The following CACNB2 variants were observed in gnomAD, a reference collection of about 807,000 sequenced individuals.
CACNB2 encodes the protein calcium voltage-gated channel auxiliary subunit beta 2, also known as voltage-dependent L-type calcium channel subunit beta-2.
A neutral mutation model predicts 73.3 loss-of-function variants in CACNB2; 42 were observed. The ratio of observed to expected loss-of-function variants is 0.57; its 90% CI spans 0.45 to 0.74. The LOEUF (loss-of-function observed/expected upper bound fraction) is 0.74. CACNB2 is among the 30% of genes least tolerant of loss of function. The pLI is 0.00. For missense variants in CACNB2, 940 were observed against 853.0 expected (o/e 1.10, Z -1.27); for synonymous variants, 348 against 310.3 (o/e 1.12, Z -1.28).
chr10:18,391,837 T>C (rs957981343), intron 2 of CACNB2, among the ~76,000 whole-genome samples: 6 of 140,030 alleles, frequency 4.3e-5, no homozygotes, highest in Non-Finnish European at 6.0e-5. Context: ...CTGAAGTGGG[T>C]GGATCCCTTG....
chr10:18,266,759 G>A (rs954887826), intron 2 of CACNB2, among the ~76,000 whole-genome samples: 11 of 152,096 alleles, frequency 7.2e-5, no homozygotes, highest in African/African-American at 2.7e-4. Flanking sequence ...GCGTGGTGGT[G>A]CATGCCTGTA....
chr10:18,372,398 G>T lies in CACNB2; in HGVS notation c.214-29526G>T, dbSNP rs147985808. On this transcript the variant is annotated intron_variant, in intron 2 of 13. Coordinates refer to ENST00000324631, the MANE Select transcript of CACNB2 (RefSeq NM_201596.3). ...TTTTTGTATAAGGTATAAGGAAGGG[G>T]TCCAGTTTCATTTTTACTTTTATTT... 2.3e-3 allele frequency among the ~76,000 whole-genome samples: 355 copies of T among 152,156 alleles called. 3 individuals carry two copies. The highest frequency in any genetic ancestry group is 8.1e-3 in the African/African-American group (335 of 41,520).
intron 2 of CACNB2, among the ~76,000 whole-genome samples, chr10:18,239,667 C>T (rs966832533): frequency 6.6e-6 from 1 of 151,978 alleles, no homozygotes; most frequent in South Asian, 2.1e-4. Flanking sequence ...TGTAATAGAC[C>T]TTATCTAAGT....
intron 2 of CACNB2, among the ~76,000 whole-genome samples, chr10:18,316,071 A>G (rs2040171453): frequency 6.6e-6 from 1 of 152,174 alleles, no homozygotes; most frequent in South Asian, 2.1e-4. Flanking sequence ...CAAATTCCCA[A>G]AATTTTAACA....
chr10:18,147,379 T>C (rs1397277172), intron 1 of CACNB2, among the ~76,000 whole-genome samples: 1 of 152,148 alleles, frequency 6.6e-6, no homozygotes, highest in African/African-American at 2.4e-5. Context: ...AATATAAATA[T>C]AAGAGTTTTT....
intron 2 of CACNB2, among the ~76,000 whole-genome samples, chr10:18,197,983 CATT>C (rs756569274): frequency 6.7e-4 from 98 of 147,158 alleles, no homozygotes; most frequent in Non-Finnish European, 1.3e-3. Flanking sequence ...TTATAATTAA[CATT>C]ATATATTTTG....
At chr10:18,289,909 G>A (rs950148168) in intron 2 of CACNB2, among the ~76,000 whole-genome samples, 5 of 151,884 alleles carry the variant, frequency 3.3e-5, no homozygotes, top group Non-Finnish European at 5.9e-5. Flanking sequence ...GGCAACATAT[G>A]GTCCTTTAAA....
At chr10:18,431,326 C>T (rs1005304582) in intron 3 of CACNB2, among the ~76,000 whole-genome samples, 5 of 152,150 alleles carry the variant, frequency 3.3e-5, no homozygotes, top group Admixed American at 1.3e-4. Context: ...AGTGTTGGCT[C>T]ATTTAACTTC....
At chr10:18,236,742 C>G (rs528031363) in intron 2 of CACNB2, among the ~76,000 whole-genome samples, 1 of 152,200 alleles carries the variant, frequency 6.6e-6, no homozygotes, top group Non-Finnish European at 1.5e-5. Flanking sequence ...CTGCCACTCC[C>G]TGAAGCCATC....
intron 12 of CACNB2, 95 bp from the exon 13 acceptor site, chr10:18,538,085 G>A (rs977833605): frequency 6.1e-6 from 7 of 1,144,322 alleles, no homozygotes; most frequent in African/African-American, 6.1e-5. Context: ...GTACAAAGGG[G>A]TGCAGCTCAT....
At chr10:18,192,308 G>A (rs896467252) in intron 2 of CACNB2, among the ~76,000 whole-genome samples, 1 of 124,922 alleles carries the variant, frequency 8.0e-6, no homozygotes, top group Non-Finnish European at 1.8e-5. Flanking sequence ...ATTCATTGAA[G>A]TGAAATTTAT....
intron 2 of CACNB2, among the ~76,000 whole-genome samples, chr10:18,240,746 T>TGG: frequency 6.6e-6 from 1 of 152,222 alleles, no homozygotes; most frequent in East Asian, 1.9e-4. Context: ...CACCCAGTCC[T>TGG]TTGGTCTCAT....
intron 3 of CACNB2, among the ~76,000 whole-genome samples, chr10:18,475,681 T>G (rs1012992438): frequency 6.6e-6 from 1 of 152,082 alleles, no homozygotes; most frequent in African/African-American, 2.4e-5. Context: ...GAACTCAAGA[T>G]TGGTTAGGAA....
intron 2 of CACNB2, among the ~76,000 whole-genome samples, chr10:18,379,720 C>G (rs987705914): frequency 1.3e-5 from 2 of 152,218 alleles, no homozygotes; most frequent in Non-Finnish European, 2.9e-5. Flanking sequence ...GGGTTTCACT[C>G]TGTCACCCAA....
rs561259626 is a variant in CACNB2, at chr10:18,304,794, A to G, written c.214-97130A>G. Among the ~76,000 whole-genome samples the G allele has an allele frequency of 2.6e-5, 4 of 152,342 alleles. No individual in the cohort carries two copies. In the South Asian group the frequency reaches 8.3e-4, roughly 32 times the overall value. The stretch of plus-strand genomic sequence containing the variant: ...TTACGGTTTGTGGGATAACATTTCA[A>G]CATAATTAAATAAGCATGAAGAAAT... On this transcript the variant is annotated intron_variant, in intron 2 of 13. Coordinates refer to ENST00000324631, the MANE Select transcript of CACNB2 (RefSeq NM_201596.3).
At chr10:18,409,367 G>C (rs916736431) in intron 3 of CACNB2, among the ~76,000 whole-genome samples, 2 of 151,766 alleles carry the variant, frequency 1.3e-5, no homozygotes, top group African/African-American at 4.8e-5. Context: ...TGAACTCCTG[G>C]GCTCAAGTAA....
chr10:18,260,466 T>C, intron 2 of CACNB2: 2 of 985,340 alleles, frequency 2.0e-6, no homozygotes, highest in Non-Finnish European at 2.4e-6. Context: ...CAAACAACTG[T>C]GCGCCGCAGT....
intron 3 of CACNB2, among the ~76,000 whole-genome samples, chr10:18,473,937 G>A (rs936079143): frequency 3.9e-5 from 6 of 152,126 alleles, no homozygotes; most frequent in Non-Finnish European, 8.8e-5. Context: ...TCCCCGCCAC[G>A]CTGCTCTCTG....
chr10:18,294,143 C>T (rs1043975200), intron 2 of CACNB2, among the ~76,000 whole-genome samples: 8 of 152,192 alleles, frequency 5.3e-5, no homozygotes, highest in African/African-American at 9.7e-5. Flanking sequence ...CCTGGCCCCT[C>T]GGGCACGTTT....
Sources: gnomAD v4.1 joint callset for allele counts (sites outside exome capture counted in the v4.1 genomes callset) on GRCh38, gnomAD v4.1.1 for gene constraint, MANE v1.5 for transcripts, NCBI Gene and HGNC (gene_info 2026-07-23, HGNC 2026-07-21) for gene names.